Variants in MANBA observed in about 807,000 individuals in gnomAD.
The protein encoded by MANBA is mannosidase beta, also known as beta-mannosidase.
MANBA carries 83 observed loss-of-function variants against 111.1 expected under a neutral mutation model. That is an observed-to-expected ratio of 0.75 (90% CI 0.63 to 0.90). The LOEUF is 0.90. Ranked by LOEUF, MANBA falls within the 40% of genes least tolerant of loss-of-function variation. The pLI, the probability that MANBA is intolerant of heterozygous loss-of-function variation, is 0.00. For synonymous variants in MANBA, 370 were observed against 378.7 expected (o/e 0.98, Z 0.27); for missense variants, 1,036 against 1,069.0 (o/e 0.97, Z 0.43).
At chr4:102,699,136 A>G (rs1732886486) in intron 5 of MANBA, among the ~76,000 whole-genome samples, 1 of 152,038 alleles carries the variant, frequency 6.6e-6, no homozygotes, top group South Asian at 2.1e-4. Context: ...ATGGGAGTTC[A>G]CTCATGATTT....
intron 5 of MANBA, among the ~76,000 whole-genome samples, chr4:102,713,676 C>A (rs145595653): frequency 1.6e-3 from 245 of 152,174 alleles, no homozygotes; most frequent in African/African-American, 5.5e-3. Flanking sequence ...CTGAGGCGGG[C>A]AGATCACCTG....
chr4:102,700,772 C>A (rs190469921), intron 5 of MANBA, among the ~76,000 whole-genome samples: 1 of 152,214 alleles, frequency 6.6e-6, no homozygotes, highest in East Asian at 1.9e-4. Context: ...GAGTGCTTTA[C>A]TTCCAACTAT....
At position 102,742,189 on chromosome 4, in the gene MANBA, C is replaced by T. The variant is rs116269842; in HGVS notation, c.178-15506G>A. 7.8e-3 allele frequency among the ~76,000 whole-genome samples: 1,192 copies of T among 152,236 alleles called. 23 individuals carry two copies. Among genetic ancestry groups the T allele is most frequent in the African/African-American group, 0.027 (1,124 of 41,534 alleles). ...CACTGACTTAAACTTAGGAGGAGCC[C>T]GAAGTGTCCAGGTGGCAATCTTAAC... On this transcript the variant is annotated intron_variant, in intron 1 of 16. Coordinates refer to ENST00000647097, the MANE Select transcript of MANBA (RefSeq NM_005908.4).
chr4:102,713,202 T>A (rs2110271967), intron 5 of MANBA, among the ~76,000 whole-genome samples: 1 of 152,330 alleles, frequency 6.6e-6, no homozygotes, highest in African/African-American at 2.4e-5. Context: ...ACTCTTGAAC[T>A]GACACACCAC....
intron 1 of MANBA, chr4:102,729,856 T>C: frequency 6.8e-7 from 1 of 1,467,456 alleles, no homozygotes; most frequent in Non-Finnish European, 9.5e-7. Flanking sequence ...ACCTTGTCTA[T>C]GAAGGAGGCA....
At chr4:102,708,169 C>T (rs1415650745) in intron 5 of MANBA, among the ~76,000 whole-genome samples, 1 of 152,078 alleles carries the variant, frequency 6.6e-6, no homozygotes, top group Admixed American at 6.6e-5. Context: ...AACTAATACA[C>T]ATTTAAAAAA....
chr4:102,677,606 T>A (rs1370273307), intron 7 of MANBA, among the ~76,000 whole-genome samples: 9 of 152,176 alleles, frequency 5.9e-5, no homozygotes, highest in Non-Finnish European at 1.3e-4. Flanking sequence ...AAGAAAACTA[T>A]CATTGGTTAA....
chr4:102,670,342 T>C lies in MANBA; in HGVS notation c.1230+939A>G, dbSNP rs918767878. Reference sequence around the variant, plus strand: ...TCATTGAATGGGCATGAAGATAAAATATGTAGAGCACTTAGAACAATGCCT... The same window carrying C: ...TCATTGAATGGGCATGAAGATAAAACATGTAGAGCACTTAGAACAATGCCT... On this transcript the variant is annotated intron_variant, in intron 9 of 16. Transcript: ENST00000647097. Among the ~76,000 whole-genome samples the C allele has an allele frequency of 6.0e-4, 92 of 152,172 alleles. 1 individual carries two copies. Among genetic ancestry groups the C allele is most frequent in the African/African-American group, 2.1e-3 (89 of 41,498 alleles).
chr4:102,690,819 C>T, intron 5 of MANBA, 48 bp from the exon 6 acceptor site: 6 of 703,750 alleles, frequency 8.5e-6, no homozygotes, highest in Non-Finnish European at 1.2e-5. Flanking sequence ...ATATAATATG[C>T]TAAGCATTAT....
chr4:102,734,617 A>AGAGGAGGCCC, intron 1 of MANBA: 1 of 1,595,800 alleles, frequency 6.3e-7, no homozygotes, highest in Non-Finnish European at 8.6e-7. Flanking sequence ...AAGCGGTAGA[A>AGAGGAGGCCC]GAGGAGGCCC....
rs1301238729 is a variant in MANBA at position 102,760,826 on chromosome 4, G to C, written c.69C>G (p.Tyr23Ter). The stretch of plus-strand genomic sequence containing the variant: ...AGATGCTCCAGTTGCCACGCAAGCT[G>C]TAACTGAGCTCCGCGGCGGTGGTGC... ...GAGTTAAELS[Y>*]SLRGNWSICN... The change falls in exon 1 of 17, where the codon TAC (tyrosine) becomes TAG (stop). Residue 23 changes from tyrosine (Y) to a stop codon, truncating the protein, a stop_gained. Coordinates refer to ENST00000647097, the MANE Select transcript of MANBA (RefSeq NM_005908.4). LOFTEE classifies it high-confidence loss of function. The C allele has an allele frequency of 2.6e-6, 4 of 1,568,218 alleles. No homozygotes were observed. The South Asian group carries it at 4.7e-5, about 18-fold the overall frequency.
chr4:102,699,863 C>T (rs1188315068), intron 5 of MANBA, among the ~76,000 whole-genome samples: 1 of 150,294 alleles, frequency 6.7e-6, no homozygotes, highest in African/African-American at 2.4e-5. Context: ...CAGGATGATG[C>T]TGGCCTCATA....
At chr4:102,662,143 G>C (rs894436914) in intron 11 of MANBA, among the ~76,000 whole-genome samples, 1 of 152,172 alleles carries the variant, frequency 6.6e-6, no homozygotes, top group African/African-American at 2.4e-5. Context: ...AGAATGTAGT[G>C]TTAAAATTAA....
At chr4:102,701,728 C>A (rs1339528557) in intron 5 of MANBA, among the ~76,000 whole-genome samples, 3 of 151,582 alleles carry the variant, frequency 2.0e-5, no homozygotes, top group East Asian at 1.9e-4. Context: ...CTGAGAGATC[C>A]GCTGTTAGTC....
At chr4:102,680,426 A>G (rs1731910434) in intron 7 of MANBA, among the ~76,000 whole-genome samples, 1 of 152,194 alleles carries the variant, frequency 6.6e-6, no homozygotes, top group Non-Finnish European at 1.5e-5. Context: ...TCTTTGGATT[A>G]CATGGTACTT....
rs749814120 is a variant in MANBA at position 102,650,569 on chromosome 4, G to A, written c.1837C>T (p.Arg613Cys). The part of the protein sequence containing the change: ...FKLPQSTDPL[R>C]TFKDTIYLTQ... ...AGGTAGATGGTATCTTTAAATGTGC[G>A]TAATGGATCTGTGCTTTGGGGGAGT... The change falls in exon 13 of 17, where the codon CGC (arginine) becomes TGC (cysteine). Residue 613 changes from arginine (R) to cysteine (C), a missense_variant. Transcript: ENST00000647097. The A allele has an allele frequency of 5.8e-5, 93 of 1,613,170 alleles. No homozygotes were observed. Among genetic ancestry groups the A allele is most frequent in the Middle Eastern group, 1.6e-4 (1 of 6,078 alleles).
At chr4:102,657,641 T>C (rs745875626) in intron 12 of MANBA, 41 bp downstream of exon 12, 10 of 1,455,602 alleles carry the variant, frequency 6.9e-6, no homozygotes. Context: ...ATGCCCACAG[T>C]CTATCATTCT....
intron 1 of MANBA, among the ~76,000 whole-genome samples, chr4:102,758,744 G>A (rs1008142224): frequency 6.6e-5 from 10 of 151,918 alleles, no homozygotes; most frequent in African/African-American, 2.4e-4. Context: ...GGTCTCGCCA[G>A]TTGCCCAGAC....
chr4:102,703,437 A>T (rs780709506), intron 5 of MANBA, among the ~76,000 whole-genome samples: 8 of 152,160 alleles, frequency 5.3e-5, no homozygotes, highest in Admixed American at 1.3e-4. Context: ...TCCCGAAAAG[A>T]CCCCTTCTTG....
Sources: gnomAD v4.1 joint callset for allele counts (sites outside exome capture counted in the v4.1 genomes callset) on GRCh38, gnomAD v4.1.1 for gene constraint, MANE v1.5 for transcripts, NCBI Gene and HGNC (gene_info 2026-07-23, HGNC 2026-07-21) for gene names.